C10orf90: variants seen among roughly 807,000 people sequenced by gnomAD.
C10orf90 encodes the protein (E2-independent) E3 ubiquitin-conjugating enzyme FATS.
Under a neutral mutation model 62.5 loss-of-function variants are expected in C10orf90, and 56 were observed. The ratio of observed to expected loss-of-function variants is 0.90; its 90% CI spans 0.72 to 1.12. The LOEUF (loss-of-function observed/expected upper bound fraction) is 1.12. Among genes scored for constraint, C10orf90 ranks in the 50% most tolerant of loss-of-function variants. The pLI is 0.00. For synonymous variants in C10orf90, 386 were observed against 340.4 expected (o/e 1.13, Z -1.47); for missense variants, 970 against 880.4 (o/e 1.10, Z -1.29).
intron 2 of C10orf90, among the ~76,000 whole-genome samples, chr10:126,645,279 A>C (rs906274207): frequency 4.1e-5 from 6 of 147,364 alleles, no homozygotes; most frequent in African/African-American, 2.5e-5. Context: ...AAAAAAAAAA[A>C]GCTGGAGGCT....
chr10:126,551,286 C>A (rs1258616733), intron 2 of C10orf90, among the ~76,000 whole-genome samples: 1 of 152,248 alleles, frequency 6.6e-6, no homozygotes, highest in African/African-American at 2.4e-5. Flanking sequence ...TAGCTGGTAA[C>A]TGTTTCTACC....
At chr10:126,428,099 C>T (rs1294708471) in intron 8 of C10orf90, among the ~76,000 whole-genome samples, 4 of 152,132 alleles carry the variant, frequency 2.6e-5, no homozygotes, top group African/African-American at 9.7e-5. Context: ...CTATTCGTCA[C>T]AGAAGGGGCT....
Position 126,670,364 on chromosome 10 carries a change from G to A in C10orf90, c.117C>T (p.Asn39=), listed in dbSNP as rs1564918501. 4.4e-6 allele frequency: 2 copies of A among 456,584 alleles called. No homozygotes were observed. Among genetic ancestry groups the A allele is most frequent in the African/African-American group, 4.0e-5 (2 of 50,056 alleles). The allele number at this position is 456,584 out of a possible 1,614,324, so 28.3% of individuals were successfully genotyped here. The stretch of plus-strand genomic sequence containing the variant: ...TCACAAAATCCATGACCATCACATG[G>A]TTTTTCAACTCTGTACTAAATGTTT... ...QIKTFSTELK[N]HVMVMDFVKS... Residue 39 remains asparagine, a synonymous_variant, in exon 1 of 10, where the codon AAC becomes AAT. Transcript: ENST00000488181.
At position 126,577,929 on chromosome 10, in the gene C10orf90, A is replaced by C. The variant is rs1240881977; in HGVS notation, c.314-63990T>G. On this transcript the variant is annotated intron_variant, in intron 2 of 9. Coordinates refer to ENST00000488181, the MANE Select transcript of C10orf90 (RefSeq NM_001350921.2). ...AAGGGATTGTGTGGAATAGATATCC[A>C]TATGAGAGAAAAATGTATCTGGTCC... Among the ~76,000 whole-genome samples the C allele has an allele frequency of 2.0e-5, 3 of 152,170 alleles. No individual in the cohort carries two copies. The East Asian group carries it at 5.8e-4, about 29-fold the overall frequency.
intron 2 of C10orf90, among the ~76,000 whole-genome samples, chr10:126,609,182 C>G (rs1175866869): frequency 2.0e-5 from 3 of 152,206 alleles, no homozygotes; most frequent in African/African-American, 7.2e-5. Flanking sequence ...GTGGGCAGAT[C>G]ACCTGAGGTC....
intron 2 of C10orf90, among the ~76,000 whole-genome samples, chr10:126,601,003 T>A (rs1330864902): frequency 6.6e-6 from 1 of 152,104 alleles, no homozygotes; most frequent in Non-Finnish European, 1.5e-5. Flanking sequence ...TACAATGGAG[T>A]ATTATTCAGC....
intron 7 of C10orf90, among the ~76,000 whole-genome samples, chr10:126,436,767 T>C (rs1857946672): frequency 6.6e-6 from 1 of 152,150 alleles, no homozygotes; most frequent in East Asian, 1.9e-4. Context: ...GCTCAAGTGA[T>C]CCTCCCACTT....
At chr10:126,532,378 T>C (rs10437528) in intron 2 of C10orf90, among the ~76,000 whole-genome samples, 135,269 of 152,062 alleles carry the variant, frequency 0.89, 60,367 homozygotes, top group African/African-American at 0.96. Context: ...GGCATCACAA[T>C]TGCATCTTTC....
intron 4 of C10orf90, among the ~76,000 whole-genome samples, chr10:126,481,344 C>A (rs1861152019): frequency 6.6e-6 from 1 of 152,260 alleles, no homozygotes; most frequent in African/African-American, 2.4e-5. Context: ...TCAGCAAGGA[C>A]CTTGCTTTTG....
At chr10:126,668,247 T>G (rs1846672833) in intron 1 of C10orf90, among the ~76,000 whole-genome samples, 1 of 152,202 alleles carries the variant, frequency 6.6e-6, no homozygotes, top group Non-Finnish European at 1.5e-5. Flanking sequence ...CCAGCCAGTT[T>G]CTTTAATCTA....
At chr10:126,486,962 G>C (rs1861468054) in intron 4 of C10orf90, among the ~76,000 whole-genome samples, 1 of 151,802 alleles carries the variant, frequency 6.6e-6, no homozygotes, top group East Asian at 1.9e-4. Context: ...GGCCAACATA[G>C]TGAAACCCCA....
chr10:126,574,841 C>A (rs994624785), intron 2 of C10orf90, among the ~76,000 whole-genome samples: 4 of 152,034 alleles, frequency 2.6e-5, no homozygotes, highest in African/African-American at 7.2e-5. Flanking sequence ...CTGAATGTGC[C>A]TAATCTCAGA....
chr10:126,612,239 T>C (rs1845449994), intron 2 of C10orf90, among the ~76,000 whole-genome samples: 1 of 152,158 alleles, frequency 6.6e-6, no homozygotes, highest in South Asian at 2.1e-4. Context: ...GAGAATTGCT[T>C]GAACTTGGGA....
At chr10:126,429,320 G>A (rs906967320) in intron 8 of C10orf90, among the ~76,000 whole-genome samples, 4 of 152,110 alleles carry the variant, frequency 2.6e-5, no homozygotes, top group Non-Finnish European at 4.4e-5. Context: ...CCTAGCTCAC[G>A]GCCCCACTGA....
Position 126,518,135 on chromosome 10 carries a change from T to C in C10orf90, c.314-4196A>G, listed in dbSNP as rs535031312. On this transcript the variant is annotated intron_variant, in intron 2 of 9. Coordinates refer to ENST00000488181, the MANE Select transcript of C10orf90 (RefSeq NM_001350921.2). The stretch of plus-strand genomic sequence containing the variant: ...CCTCAGGCTCTGCCTTTTGGAAACC[T>C]GACCCGAGACAGGGTCCTACCCCGC... Among the ~76,000 whole-genome samples, 14 of 152,156 alleles carry C rather than the reference T, an allele frequency of 9.2e-5. No individual in the cohort carries two copies. The East Asian group carries it at 2.7e-3, about 30-fold the overall frequency.
intron 2 of C10orf90, among the ~76,000 whole-genome samples, chr10:126,518,073 C>T (rs1367224689): frequency 4.9e-5 from 7 of 142,966 alleles, no homozygotes; most frequent in African/African-American, 1.6e-4. Flanking sequence ...TTTTTTTTTC[C>T]TGAAGAGCAG....
At chr10:126,637,115 C>T (rs1017656064) in intron 2 of C10orf90, among the ~76,000 whole-genome samples, 5 of 152,142 alleles carry the variant, frequency 3.3e-5, no homozygotes, top group African/African-American at 1.2e-4. Context: ...CCAACTTGGA[C>T]TTCTGCAGAG....
At chr10:126,584,442 C>T (rs1237511648) in intron 2 of C10orf90, among the ~76,000 whole-genome samples, 1 of 152,112 alleles carries the variant, frequency 6.6e-6, no homozygotes, top group Admixed American at 6.5e-5. Context: ...CCATCCATCC[C>T]TCTGTCTACC....
intron 2 of C10orf90, among the ~76,000 whole-genome samples, chr10:126,540,973 G>T (rs754728340): frequency 4.6e-5 from 7 of 152,096 alleles, no homozygotes; most frequent in Non-Finnish European, 7.4e-5. Context: ...AATTTAAAAT[G>T]CATTTAAAGT....
Sources: gnomAD v4.1 joint callset for allele counts (sites outside exome capture counted in the v4.1 genomes callset) on GRCh38, gnomAD v4.1.1 for gene constraint, MANE v1.5 for transcripts, NCBI Gene and HGNC (gene_info 2026-07-23, HGNC 2026-07-21) for gene names.